TXNL4B: variants seen among roughly 807,000 people sequenced by gnomAD.
The protein encoded by TXNL4B is thioredoxin-like protein 4B.
A neutral mutation model predicts 13.0 loss-of-function variants in TXNL4B; 12 were observed. The observed-to-expected ratio is 0.92, with a 90% confidence interval of 0.59 to 1.49. TXNL4B has a LOEUF of 1.49. Among genes scored for constraint, TXNL4B ranks in the 40% most tolerant of loss-of-function variants. TXNL4B has a pLI of 0.00. For synonymous variants in TXNL4B, 59 were observed against 58.9 expected (o/e 1.00, Z -0.01); for missense variants, 214 against 173.6 (o/e 1.23, Z -1.31).
intron 2 of TXNL4B, among the ~76,000 whole-genome samples, 181 bp downstream of exon 2, chr16:72,090,437 A>G (rs1344147605): frequency 6.6e-6 from 1 of 152,200 alleles, no homozygotes; most frequent in East Asian, 1.9e-4. Flanking sequence ...TCCAAGACAG[A>G]TTCAGCACAC....
chr16:72,087,059 A>T (rs78310258), intron 3 of TXNL4B, among the ~76,000 whole-genome samples: 3,793 of 152,318 alleles, frequency 0.025, 66 homozygotes, highest in East Asian at 0.049. Flanking sequence ...TAATCACAAA[A>T]TCTATTTTTA....
intron 1 of TXNL4B, among the ~76,000 whole-genome samples, chr16:72,092,227 G>A (rs777782582): frequency 1.3e-5 from 2 of 152,170 alleles, no homozygotes; most frequent in Non-Finnish European, 2.9e-5. Context: ...TGGCCAACAT[G>A]GTGAAACCCC....
At chr16:72,091,589 A>G (rs1363172584) in intron 1 of TXNL4B, among the ~76,000 whole-genome samples, 1 of 152,232 alleles carries the variant, frequency 6.6e-6, no homozygotes, top group Non-Finnish European at 1.5e-5. Flanking sequence ...AGATTGCCCC[A>G]TATCTCTATA....
At chr16:72,089,873 GGTAAA>G (rs1482865542) in intron 2 of TXNL4B, among the ~76,000 whole-genome samples, 3 of 152,218 alleles carry the variant, frequency 2.0e-5, no homozygotes, top group Non-Finnish European at 2.9e-5. Context: ...GGCACAGGAA[GGTAAA>G]GTAATTTGCC....
At position 72,085,987 on chromosome 16, in the gene TXNL4B, G is replaced by A. The variant is rs1175595613; in HGVS notation, c.*650C>T. The A allele has an allele frequency of 2.7e-5, 4 of 149,160 alleles. No individual in the cohort carries two copies. The highest frequency in any genetic ancestry group is 1.3e-4 in the Admixed American group (2 of 15,024). The allele number at this position is 149,160 out of a possible 1,614,324, so 9.2% of individuals were successfully genotyped here. On this transcript the variant is annotated 3_prime_UTR_variant, in exon 4 of 4. Transcript: ENST00000268483. ...CACTGCACTCCAGCCTGGGTGACAA[G>A]AGTGACTCGGTCTCAAAAAAAAAAA...
rs778250089 is a variant in TXNL4B at position 72,086,677 on chromosome 16, T to A, written c.410A>T (p.Lys137Met). ...KLIVQSPIDP[K>M]NIPKYDLLYQ... is the part of the protein sequence containing the mutation. ...GAGAAGGTCATATTTGGGAATATTCTTGGGATCAATAGGACTTTGGACAAT... is the reference window on the plus strand; with the variant it reads ...GAGAAGGTCATATTTGGGAATATTCATGGGATCAATAGGACTTTGGACAAT... Residue 137 changes from lysine to methionine, a missense_variant, in exon 4 of 4, where the codon AAG becomes ATG. Coordinates refer to ENST00000268483, the MANE Select transcript of TXNL4B (RefSeq NM_017853.3). 35 of 1,613,886 alleles carry A rather than the reference T, an allele frequency of 2.2e-5. 1 individual carries two copies. The Middle Eastern group carries it at 6.6e-4, about 30-fold the overall frequency.
upstream of TXNL4B, chr16:72,094,054 G>A (rs2041967242): frequency 6.6e-6 from 1 of 152,374 alleles, no homozygotes; most frequent in East Asian, 1.9e-4. Flanking sequence ...TTGGTGAGGT[G>A]AGAGTCCCTT....
In TXNL4B at chr16:72,090,077, C is replaced by T. The variant is rs138355800; in HGVS notation, c.132+541G>A. The T allele has an allele frequency of 3.3e-3, 1,509 of 456,030 alleles. 5 individuals are homozygous for T. The highest frequency in any genetic ancestry group is 5.1e-3 in the Non-Finnish European group (1,167 of 226,796). The allele number at this position is 456,030 out of a possible 1,614,324, so 28.2% of individuals were successfully genotyped here. A position where few individuals can be genotyped will look rare whatever the true frequency, so the allele number is the denominator to read the frequency against. On this transcript the variant is annotated intron_variant, in intron 2 of 3. Transcript: ENST00000268483. ...AACCACGGAAATGAGGATTTGTACG[C>T]TCAGCTCTTACACGGGATGGTAGCA...
Position 72,090,659 on chromosome 16 carries a change from C to T in TXNL4B, c.91G>A (p.Gly31Arg). The T allele has an allele frequency of 6.2e-7, 1 of 1,614,186 alleles. No homozygotes were observed. The highest frequency in any genetic ancestry group is 1.1e-5 in the South Asian group (1 of 91,084). Reference sequence around the variant, plus strand: ...AGACAGACAGGATCTTCATCTCTCCCAAACCTGAGAACCAACACCTTCTCA... The same window carrying T: ...AGACAGACAGGATCTTCATCTCTCCTAAACCTGAGAACCAACACCTTCTCA... The part of the protein sequence containing the change: ...TAEKVLVLRF[G>R]RDEDPVCLQL... Residue 31 changes from glycine (G) to arginine (R), a missense_variant, in exon 2 of 4, where the codon GGG becomes AGG. Transcript: ENST00000268483.
chr16:72,089,861 G>A (rs1056559744), intron 2 of TXNL4B, among the ~76,000 whole-genome samples: 2 of 152,226 alleles, frequency 1.3e-5, no homozygotes, highest in African/African-American at 4.8e-5. Context: ...TAGGGAAACT[G>A]AGGCACAGGA....
At chr16:72,089,524 C>A (rs116949987) in intron 2 of TXNL4B, among the ~76,000 whole-genome samples, 3,786 of 152,248 alleles carry the variant, frequency 0.025, 67 homozygotes, top group East Asian at 0.049. Flanking sequence ...TGCTGCCATC[C>A]CGTGTTAAGA....
chr16:72,090,467 T>C, intron 2 of TXNL4B, 151 bp downstream of exon 2: 1 of 753,492 alleles, frequency 1.3e-6, no homozygotes. Flanking sequence ...GGGGCTTGGT[T>C]CAGGGCAGGC....
intron 2 of TXNL4B, among the ~76,000 whole-genome samples, 182 bp from the exon 3 acceptor site, chr16:72,089,320 C>A (rs918371463): frequency 6.6e-6 from 1 of 152,130 alleles, no homozygotes; most frequent in African/African-American, 2.4e-5. Flanking sequence ...TTCACTGCAA[C>A]GGGGTTAGGA....
Position 72,084,876 on chromosome 16 carries a change from A to C in TXNL4B, c.*1761T>G. On this transcript the variant is annotated 3_prime_UTR_variant, in exon 4 of 4. Transcript: ENST00000268483. ...AGTGACTTAGGCAAAAAGAAATTTT[A>C]TTCTTTCACAGAAGTCTGAGGCAGG... 1 of 398,654 alleles carries C rather than the reference A, an allele frequency of 2.5e-6. No individual in the cohort carries two copies. Among genetic ancestry groups the C allele is most frequent in the Non-Finnish European group, 4.4e-6 (1 of 226,074 alleles). The allele number at this position is 398,654 out of a possible 1,614,324, so 24.7% of individuals were successfully genotyped here. A position where few individuals can be genotyped will look rare whatever the true frequency, so the allele number is the denominator to read the frequency against.
At chr16:72,087,316 C>T (rs1441824202) in intron 3 of TXNL4B, 2 of 141,480 alleles carry the variant, frequency 1.4e-5, no homozygotes, top group Non-Finnish European at 3.1e-5. Context: ...CAGTGTCTAT[C>T]CTTCCAATCT....
chr16:72,092,067 A>C (rs1442903326), intron 1 of TXNL4B, among the ~76,000 whole-genome samples: 2 of 152,258 alleles, frequency 1.3e-5, no homozygotes, highest in East Asian at 3.8e-4. Context: ...ATTCAGTTCC[A>C]AATATGAAAA....
intron 3 of TXNL4B, among the ~76,000 whole-genome samples, chr16:72,088,054 C>T (rs552862866): frequency 1.3e-5 from 2 of 152,284 alleles, no homozygotes; most frequent in South Asian, 4.1e-4. Flanking sequence ...CTGCTGACCT[C>T]ATAATCTGCC....
At chr16:72,087,864 G>C (rs892205269) in intron 3 of TXNL4B, among the ~76,000 whole-genome samples, 1 of 152,066 alleles carries the variant, frequency 6.6e-6, no homozygotes, top group Non-Finnish European at 1.5e-5. Flanking sequence ...CTGTTGCCCA[G>C]GATGGAGTGC....
intron 3 of TXNL4B, among the ~76,000 whole-genome samples, chr16:72,088,691 T>C (rs769085291): frequency 3.3e-5 from 5 of 152,248 alleles, no homozygotes; most frequent in African/African-American, 7.2e-5. Flanking sequence ...TATAGACTTA[T>C]GGATGGTAGT....
Sources: allele counts gnomAD v4.1 joint callset (sites outside exome capture counted in the v4.1 genomes callset), GRCh38; gene constraint gnomAD v4.1.1; transcripts MANE v1.5; gene names NCBI Gene and HGNC (gene_info 2026-07-23, HGNC 2026-07-21).